The following RBFOX1 variants were observed in gnomAD, a reference collection of about 807,000 sequenced individuals.
RBFOX1 encodes the protein RNA binding fox-1 homolog 1, also known as RNA binding protein fox-1 homolog 1.
RBFOX1 carries 8 observed loss-of-function variants against 57.7 expected under a neutral mutation model. The ratio of observed to expected loss-of-function variants is 0.14; its 90% CI spans 0.08 to 0.25. The LOEUF is 0.25. Among genes scored for constraint, RBFOX1 ranks in the 10% least tolerant of loss-of-function variants. RBFOX1 has a pLI of 1.00. For missense variants in RBFOX1, 611 were observed against 548.5 expected, an observed-to-expected ratio of 1.11 and a Z score of -1.14; for synonymous variants, 326 against 222.4, an observed-to-expected ratio of 1.47 and a Z score of -4.15.
intron 3 of RBFOX1, among the ~76,000 whole-genome samples, chr16:6,866,890 C>A (rs566374586): frequency 6.6e-6 from 1 of 152,050 alleles, no homozygotes; most frequent in Non-Finnish European, 1.5e-5. Flanking sequence ...GTATTACTTG[C>A]CACACAAAGC....
At chr16:6,546,527 G>A (rs1036208747) in intron 2 of RBFOX1, among the ~76,000 whole-genome samples, 1 of 152,178 alleles carries the variant, frequency 6.6e-6, no homozygotes, top group African/African-American at 2.4e-5. Context: ...CAGCTCCATA[G>A]CACCTCTGTC....
rs1024944210 is a variant in RBFOX1, at chr16:6,778,901, A to G, written c.-16+124251A>G. 7.2e-5 allele frequency among the ~76,000 whole-genome samples: 11 copies of G among 152,104 alleles called. No individual in the cohort carries two copies. The East Asian group carries it at 7.7e-4, about 11-fold the overall frequency. ...TTTTTAATTTTTATGGTTATGGAAGAGTTGTACATATTTATGGGGACATTT... is the reference window on the plus strand; with the variant it reads ...TTTTTAATTTTTATGGTTATGGAAGGGTTGTACATATTTATGGGGACATTT... On this transcript the variant is annotated intron_variant, in intron 3 of 15. Coordinates refer to ENST00000550418, the MANE Select transcript of RBFOX1 (RefSeq NM_018723.4).
At chr16:6,285,654 G>A (rs1395787153) in intron 1 of RBFOX1, among the ~76,000 whole-genome samples, 1 of 152,108 alleles carries the variant, frequency 6.6e-6, no homozygotes, top group Non-Finnish European at 1.5e-5. Flanking sequence ...ACGTTGGCTT[G>A]AATCTGTTCC....
At chr16:5,977,315 C>G (rs2060085140) in intron 4 of RBFOX1, among the ~76,000 whole-genome samples, 1 of 152,132 alleles carries the variant, frequency 6.6e-6, no homozygotes, top group Admixed American at 6.6e-5. Flanking sequence ...TGGAGGCCTT[C>G]CTGGGCTTTC....
At chr16:6,109,513 T>TA (rs1282812303) in intron 1 of RBFOX1, among the ~76,000 whole-genome samples, 2 of 152,170 alleles carry the variant, frequency 1.3e-5, no homozygotes, top group Non-Finnish European at 2.9e-5. Flanking sequence ...ATATTTGTTG[T>TA]AAAAAACTCT....
At chr16:6,066,215 A>G (rs2095759022) in intron 1 of RBFOX1, among the ~76,000 whole-genome samples, 1 of 137,486 alleles carries the variant, frequency 7.3e-6, no homozygotes, top group Non-Finnish European at 1.5e-5. Flanking sequence ...AATTGCTTGA[A>G]CTGGGGGGGT....
In RBFOX1 at chr16:6,914,367, G is replaced by A. The variant is rs147423181; in HGVS notation, c.-15-137690G>A. ...CTTAAATTACAGGGTCGGCTGATAA[G>A]TATTCTACTTTTCATGATTCAGAAT... On this transcript the variant is annotated intron_variant, in intron 3 of 15. Coordinates refer to ENST00000550418, the MANE Select transcript of RBFOX1 (RefSeq NM_018723.4). 3.2e-3 allele frequency among the ~76,000 whole-genome samples: 486 copies of A among 152,202 alleles called. 8 individuals are homozygous for A. Among genetic ancestry groups the A allele is most frequent in the African/African-American group, 0.011 (474 of 41,516 alleles).
chr16:6,784,814 C>G (rs931155659), intron 3 of RBFOX1, among the ~76,000 whole-genome samples: 7 of 151,844 alleles, frequency 4.6e-5, no homozygotes, highest in Admixed American at 6.6e-5. Flanking sequence ...CTTGTTCCAC[C>G]TCATATATTT....
At chr16:5,803,908 T>A (rs2055143663) in intron 3 of RBFOX1, among the ~76,000 whole-genome samples, 1 of 152,202 alleles carries the variant, frequency 6.6e-6, no homozygotes, top group Non-Finnish European at 1.5e-5. Context: ...TTGCATATAC[T>A]GCTCTCTCTG....
At chr16:7,292,814 A>G (rs900254053) in intron 4 of RBFOX1, among the ~76,000 whole-genome samples, 3 of 152,252 alleles carry the variant, frequency 2.0e-5, no homozygotes, top group Admixed American at 6.5e-5. Context: ...AGTAAGCACA[A>G]TAGGTCTTGT....
At chr16:6,774,346 T>G (rs1302685352) in intron 3 of RBFOX1, among the ~76,000 whole-genome samples, 1 of 151,994 alleles carries the variant, frequency 6.6e-6, no homozygotes, top group Non-Finnish European at 1.5e-5. Flanking sequence ...GGCTGGACAT[T>G]TCTAACTGGC....
chr16:5,346,807 G>C (rs1200464326), intron 1 of RBFOX1, among the ~76,000 whole-genome samples: 1 of 152,166 alleles, frequency 6.6e-6, no homozygotes, highest in Non-Finnish European at 1.5e-5. Flanking sequence ...AAGTGTCTCA[G>C]TCTTTGTGCT....
intron 4 of RBFOX1, among the ~76,000 whole-genome samples, chr16:7,352,171 G>A (rs938133575): frequency 1.3e-5 from 2 of 152,132 alleles, no homozygotes; most frequent in African/African-American, 4.8e-5. Flanking sequence ...ATACAGCCAT[G>A]GCTTTGCAGC....
At position 6,779,947 on chromosome 16, in the gene RBFOX1, T is replaced by TTATATATATTTA. The variant is rs1188580797; in HGVS notation, c.-16+125304_-16+125305insATTTATATATAT. 1.9e-4 allele frequency among the ~76,000 whole-genome samples: 5 copies of TTATATATATTTA among 26,752 alleles called. 1 individual carries two copies. The highest frequency in any genetic ancestry group is 4.2e-4 in the African/African-American group (2 of 4,794). 17.6% of individuals were successfully genotyped at this position (26,752 alleles called of 152,430 possible). On this transcript the variant is annotated intron_variant, in intron 3 of 15. Transcript: ENST00000550418. ...TATATTTATATATATTTATATATAT[T>TTATATATATTTA]TATATATTTATATATTTATATATAT... is the stretch of plus-strand genomic sequence containing the variant.
At chr16:6,256,679 G>A (rs1229637773) in intron 1 of RBFOX1, among the ~76,000 whole-genome samples, 1 of 152,052 alleles carries the variant, frequency 6.6e-6, no homozygotes. Flanking sequence ...GCTGCCCTGT[G>A]CATTTTAGGA....
At chr16:7,579,302 C>A (rs2152832379) in intron 5 of RBFOX1, among the ~76,000 whole-genome samples, 1 of 152,296 alleles carries the variant, frequency 6.6e-6, no homozygotes, top group South Asian at 2.1e-4. Flanking sequence ...ATTACCTGAA[C>A]AATTATGTAG....
At chr16:5,578,675 G>C (rs189315895) in intron 2 of RBFOX1, among the ~76,000 whole-genome samples, 1 of 151,860 alleles carries the variant, frequency 6.6e-6, no homozygotes, top group African/African-American at 2.4e-5. Context: ...CAAGGTTCTC[G>C]GCAAAAATGA....
chr16:6,383,831 A>G (rs2092033264), intron 2 of RBFOX1, among the ~76,000 whole-genome samples: 2 of 152,098 alleles, frequency 1.3e-5, no homozygotes, highest in Middle Eastern at 3.4e-3. Flanking sequence ...GGTTACAATC[A>G]AATTTTAAAC....
chr16:6,497,273 C>A (rs1228472367), intron 2 of RBFOX1, among the ~76,000 whole-genome samples: 2 of 152,180 alleles, frequency 1.3e-5, no homozygotes, highest in Non-Finnish European at 2.9e-5. Context: ...CAGACCAGCT[C>A]TTCTCAGGTG....
Sources: allele counts gnomAD v4.1 joint callset (sites outside exome capture counted in the v4.1 genomes callset), GRCh38; gene constraint gnomAD v4.1.1; transcripts MANE v1.5; gene names NCBI Gene and HGNC (gene_info 2026-07-23, HGNC 2026-07-21).